NCAM2: variants seen among roughly 807,000 people sequenced by gnomAD.
The protein encoded by NCAM2 is N-CAM-2.
A neutral mutation model predicts 98.1 loss-of-function variants in NCAM2; 30 were observed. That is an observed-to-expected ratio of 0.31 (90% CI 0.23 to 0.41). NCAM2 has a LOEUF of 0.41. Among genes scored for constraint, NCAM2 ranks in the 10% least tolerant of loss-of-function variants. The pLI is 1.00. For synonymous variants in NCAM2, 368 were observed against 342.4 expected, an observed-to-expected ratio of 1.07 and a Z score of -0.83; for missense variants, 867 against 1,005.8, an observed-to-expected ratio of 0.86 and a Z score of 1.87.
chr21:21,097,918 G>A (rs947838574), intron 1 of NCAM2, among the ~76,000 whole-genome samples: 1 of 20,596 alleles, frequency 4.9e-5, no homozygotes, highest in African/African-American at 6.9e-5. Context: ...GTCTTCAGCT[G>A]ATGATTTGAA....
chr21:21,050,420 T>C (rs2065084468), intron 1 of NCAM2, among the ~76,000 whole-genome samples: 1 of 152,188 alleles, frequency 6.6e-6, no homozygotes, highest in East Asian at 1.9e-4. Context: ...GGTGCCACCA[T>C]TTTGGTCAAA....
intron 1 of NCAM2, among the ~76,000 whole-genome samples, chr21:21,095,437 TCTAG>T (rs1443792308): frequency 6.6e-6 from 1 of 151,556 alleles, no homozygotes. Context: ...TGTCTATCTA[TCTAG>T]CTAGCTACCT....
At chr21:21,299,559 G>GAT (rs1327470522) in intron 5 of NCAM2, among the ~76,000 whole-genome samples, 1 of 151,524 alleles carries the variant, frequency 6.6e-6, no homozygotes, top group Non-Finnish European at 1.5e-5. Context: ...TCTAAAATGT[G>GAT]ATTCTCTCTC....
chr21:21,428,152 A>G (rs2077255908), intron 11 of NCAM2, among the ~76,000 whole-genome samples: 1 of 152,178 alleles, frequency 6.6e-6, no homozygotes, highest in East Asian at 1.9e-4. Context: ...ACAAATAAGT[A>G]TTTGCACAAT....
rs773131922 is a variant in NCAM2, at chr21:20,998,627, G to C, written c.55+9G>C. ...TGTCAGTAGCGGGCAAGGTAGGAGTGTGGCGCTTTATTGCATTTACTTTCC... is the reference window on the plus strand; with the variant it reads ...TGTCAGTAGCGGGCAAGGTAGGAGTCTGGCGCTTTATTGCATTTACTTTCC... On this transcript the variant is annotated intron_variant, in intron 1 of 17. Transcript: ENST00000400546. 5 of 1,613,750 alleles carry C rather than the reference G, an allele frequency of 3.1e-6. No individual in the cohort carries two copies. The South Asian group carries it at 5.5e-5, about 18-fold the overall frequency.
intron 1 of NCAM2, among the ~76,000 whole-genome samples, chr21:21,080,350 C>G (rs1033389317): frequency 9.2e-5 from 14 of 152,084 alleles, no homozygotes; most frequent in African/African-American, 3.4e-4. Flanking sequence ...GGCATGGTGG[C>G]TCAAACCTGT....
intron 12 of NCAM2, among the ~76,000 whole-genome samples, chr21:21,458,103 AG>A (rs1323804104): frequency 1.3e-5 from 2 of 152,196 alleles, no homozygotes; most frequent in East Asian, 3.9e-4. Flanking sequence ...TTTCAAAGGA[AG>A]GTTTGAAGGT....
chr21:21,343,398 C>T (rs2075102418), intron 8 of NCAM2, among the ~76,000 whole-genome samples: 1 of 148,726 alleles, frequency 6.7e-6, no homozygotes, highest in Non-Finnish European at 1.5e-5. Flanking sequence ...CACACACAAT[C>T]TTCATGAGAA....
chr21:21,266,800 A>G (rs2072299229), intron 1 of NCAM2, among the ~76,000 whole-genome samples: 1 of 152,120 alleles, frequency 6.6e-6, no homozygotes, highest in African/African-American at 2.4e-5. Flanking sequence ...CAGCACACCA[A>G]CATGGCACAT....
chr21:21,214,789 A>G (rs112305213), intron 1 of NCAM2, among the ~76,000 whole-genome samples: 4,120 of 144,572 alleles, frequency 0.028, 216 homozygotes, highest in African/African-American at 0.098. Context: ...ATACACATAT[A>G]TATACATATA....
intron 4 of NCAM2, among the ~76,000 whole-genome samples, chr21:21,287,195 A>G (rs544101361): frequency 3.6e-4 from 54 of 151,972 alleles, no homozygotes; most frequent in Non-Finnish European, 5.2e-4. Flanking sequence ...GCAGAGAGGT[A>G]CAAAATAATT....
intron 9 of NCAM2, among the ~76,000 whole-genome samples, chr21:21,403,541 T>C (rs2076676091): frequency 6.6e-6 from 1 of 152,200 alleles, no homozygotes; most frequent in South Asian, 2.1e-4. Flanking sequence ...AAAACTTTTA[T>C]ACCCAAACAG....
At chr21:21,490,069 T>A (rs1986721034) in intron 15 of NCAM2, among the ~76,000 whole-genome samples, 3 of 152,076 alleles carry the variant, frequency 2.0e-5, no homozygotes, top group Non-Finnish European at 4.4e-5. Context: ...TTTAGTTTTG[T>A]TGTCTAAAAT....
chr21:21,237,590 C>A (rs892943174), intron 1 of NCAM2, among the ~76,000 whole-genome samples: 4 of 151,996 alleles, frequency 2.6e-5, no homozygotes, highest in African/African-American at 4.8e-5. Context: ...TTAAGAATTT[C>A]TATTTCATTT....
At chr21:21,151,530 A>G (rs147851329) in intron 1 of NCAM2, among the ~76,000 whole-genome samples, 184 of 152,190 alleles carry the variant, frequency 1.2e-3, no homozygotes, top group African/African-American at 4.2e-3. Flanking sequence ...GCCTCTACCT[A>G]TAATTGTTGA....
chr21:21,135,610 G>A (rs1045245807), intron 1 of NCAM2, among the ~76,000 whole-genome samples: 3 of 152,088 alleles, frequency 2.0e-5, no homozygotes, highest in Non-Finnish European at 2.9e-5. Flanking sequence ...TTGATTAGCG[G>A]TTGCATCTTC....
chr21:21,193,846 A>G (rs2068910703), intron 1 of NCAM2, among the ~76,000 whole-genome samples: 1 of 152,116 alleles, frequency 6.6e-6, no homozygotes, highest in Admixed American at 6.6e-5. Flanking sequence ...AATTCCCAAC[A>G]TATTGTTATT....
At chr21:21,473,137 A>G (rs1984671922) in intron 14 of NCAM2, among the ~76,000 whole-genome samples, 1 of 151,168 alleles carries the variant, frequency 6.6e-6, no homozygotes, top group Admixed American at 6.6e-5. Context: ...TTTCTTTTGG[A>G]TATTCTGATA....
intron 1 of NCAM2, among the ~76,000 whole-genome samples, chr21:21,138,362 A>G (rs1417408744): frequency 6.6e-6 from 1 of 152,212 alleles, no homozygotes; most frequent in African/African-American, 2.4e-5. Context: ...GGGGTTTCAG[A>G]GACAGATAGA....
Sources: allele counts gnomAD v4.1 joint callset (sites outside exome capture counted in the v4.1 genomes callset), GRCh38; gene constraint gnomAD v4.1.1; transcripts MANE v1.5; gene names NCBI Gene and HGNC (gene_info 2026-07-23, HGNC 2026-07-21).